SLC38A2: variants seen among roughly 807,000 people sequenced by gnomAD.
SLC38A2 encodes sodium-coupled neutral amino acid symporter 2.
A neutral mutation model predicts 61.5 loss-of-function variants in SLC38A2; 11 were observed. The observed-to-expected ratio is 0.18, with a 90% confidence interval of 0.11 to 0.30. The LOEUF is 0.30. Ranked by LOEUF, SLC38A2 falls within the 10% of genes least tolerant of loss-of-function variation. The probability of loss-of-function intolerance (pLI) is 1.00; values close to 1 mark genes in which losing one functional copy is unlikely to be tolerated. For synonymous variants in SLC38A2, 217 were observed against 212.5 expected (o/e 1.02, Z -0.18); for missense variants, 522 against 600.4 (o/e 0.87, Z 1.36).
Position 46,371,372 on chromosome 12 carries a change from G to A in SLC38A2, c.-79C>T, listed in dbSNP as rs972695262. 10 of 1,166,556 alleles carry A rather than the reference G, an allele frequency of 8.6e-6. No homozygotes were observed. The highest frequency in any genetic ancestry group is 1.3e-5 in the Non-Finnish European group (10 of 790,704). 72.3% of individuals were successfully genotyped at this position (1,166,556 alleles called of 1,614,324 possible). A position where few individuals can be genotyped will look rare whatever the true frequency, so the allele number is the denominator to read the frequency against. On this transcript the variant is annotated 5_prime_UTR_variant, in exon 2 of 16. Coordinates refer to ENST00000256689, the MANE Select transcript of SLC38A2 (RefSeq NM_018976.5). ...CTTGGCGGTGGGTGCAGCGGCCCGC[G>A]AGTCGGCCTGCGAAAGTAGAGGCGG...
chr12:46,370,023 A>G (rs577407900), intron 4 of SLC38A2, among the ~76,000 whole-genome samples: 157 of 152,322 alleles, frequency 1.0e-3, no homozygotes, highest in African/African-American at 3.7e-3. Context: ...GTCTTAAAAC[A>G]AACATGTTCC....
In SLC38A2 at chr12:46,363,910, A is replaced by C. The variant is rs371273578; in HGVS notation, c.953+14T>G. On this transcript the variant is annotated intron_variant, in intron 11 of 15. Coordinates refer to ENST00000256689, the MANE Select transcript of SLC38A2 (RefSeq NM_018976.5). Reference sequence around the variant, plus strand: ...TAATATTTTCTCAAATTTATGTAAAAATGAAATACTCACTCTTTCAGTTCT... The same window carrying C: ...TAATATTTTCTCAAATTTATGTAAACATGAAATACTCACTCTTTCAGTTCT... 773 of 1,599,558 alleles carry C rather than the reference A, an allele frequency of 4.8e-4. 13 individuals carry two copies. In the South Asian group the frequency reaches 8.0e-3, roughly 17 times the overall value.
rs757744114 is a variant in SLC38A2, at chr12:46,366,893, C to A, written c.534G>T (p.Gln178His). 9 of 1,613,816 alleles carry A rather than the reference C, an allele frequency of 5.6e-6. No individual in the cohort carries two copies. Among genetic ancestry groups the A allele is most frequent in the East Asian group, 4.5e-5 (2 of 44,880 alleles). Residue 178 changes from glutamine to histidine, a missense_variant, in exon 7 of 16, where the codon CAG becomes CAT. By Grantham distance (24) the Gln-to-His change is conservative. Coordinates refer to ENST00000256689, the MANE Select transcript of SLC38A2 (RefSeq NM_018976.5). The part of the protein sequence containing the change: ...IVKYELPLVI[Q>H]ALTNIEDKTG... Reference sequence around the variant, plus strand: ...TTTTATCTTCAATGTTCGTTAATGCCTGGATCACCAAAGGCAACTCATATT... The same window carrying A: ...TTTTATCTTCAATGTTCGTTAATGCATGGATCACCAAAGGCAACTCATATT...
Position 46,363,942 on chromosome 12 carries a change from A to G in SLC38A2, c.935T>C (p.Ile312Thr). 1 of 1,612,028 alleles carries G rather than the reference A, an allele frequency of 6.2e-7. No individual in the cohort carries two copies. Among genetic ancestry groups the G allele is most frequent in the African/African-American group, 1.3e-5 (1 of 74,974 alleles). The change falls in exon 11 of 16, where the codon ATC becomes ACC. Residue 312 changes from isoleucine to threonine, a missense_variant. By Grantham distance (89) the Ile-to-Thr change is moderately conservative. Around this residue, in one of 3 missense-constraint regions of SLC38A2, gnomAD observed 309 missense variants for 343.9 expected, o/e 0.90. Transcript: ENST00000256689. ...TACTCACTCTTTCAGTTCTTCATAGATGGGAAGAACAGCAGGATGACAGAC... is the reference window on the plus strand; with the variant it reads ...TACTCACTCTTTCAGTTCTTCATAGGTGGGAAGAACAGCAGGATGACAGAC... Reference protein sequence around the residue: ...SFVCHPAVLPIYEELKDRSRR... With the variant: ...SFVCHPAVLPTYEELKDRSRR...
At chr12:46,371,470 C>G (rs962084433) in intron 1 of SLC38A2, 91 bp from the exon 2 acceptor site, 125 of 587,530 alleles carry the variant, frequency 2.1e-4, no homozygotes, top group Admixed American at 2.9e-4. Flanking sequence ...GCTGATTCAT[C>G]CCAGGCCAGG....
Position 46,367,149 on chromosome 12 carries a change from T to C in SLC38A2, c.408A>G (p.Gln136=), listed in dbSNP as rs1476475578. ...CTAATCCAAATGCCTTATATCCCAA[T>C]TGTTCATATAATAAAGACCCTACAA... ...ANEGGSLLYE[Q]LGYKAFGLVG... The change falls in exon 6 of 16, where the codon CAA becomes CAG. Residue 136 remains glutamine (Q), a synonymous_variant. Coordinates refer to ENST00000256689, the MANE Select transcript of SLC38A2 (RefSeq NM_018976.5). 6.8e-6 allele frequency: 11 copies of C among 1,613,780 alleles called. No homozygotes were observed. The South Asian group carries it at 1.1e-4, about 16-fold the overall frequency.
At position 46,358,968 on chromosome 12, in the gene SLC38A2, G is replaced by A. The variant is rs141963885; in HGVS notation, c.*2143C>T. 1 of 152,344 alleles carries A rather than the reference G, an allele frequency of 6.6e-6. No individual in the cohort carries two copies. 9.4% of individuals were successfully genotyped at this position (152,344 alleles called of 1,614,324 possible). A position where few individuals can be genotyped will look rare whatever the true frequency, so the allele number is the denominator to read the frequency against. On this transcript the variant is annotated 3_prime_UTR_variant, in exon 16 of 16. Coordinates refer to ENST00000256689, the MANE Select transcript of SLC38A2 (RefSeq NM_018976.5). ...AAATCATCCATTGGAATTTTCCCTAGGCACTTGATTTTGAACCTTAAATAG... is the reference window on the plus strand; with the variant it reads ...AAATCATCCATTGGAATTTTCCCTAAGCACTTGATTTTGAACCTTAAATAG...
chr12:46,371,404 A>AGGACCGCAGCGCC (rs1943197739), intron 1 of SLC38A2, 25 bp from the exon 2 acceptor site: 1 of 824,086 alleles, frequency 1.2e-6, no homozygotes, highest in African/African-American at 1.7e-5. Flanking sequence ...GCGGCGCGTC[A>AGGACCGCAGCGCC]GGACCGCAGC....
intron 1 of SLC38A2, among the ~76,000 whole-genome samples, chr12:46,371,811 C>T (rs1018152944): frequency 6.6e-6 from 1 of 152,194 alleles, no homozygotes; most frequent in Non-Finnish European, 1.5e-5. Context: ...AGCAATGCTG[C>T]GTAATCTGTC....
In SLC38A2 at chr12:46,367,294, G is replaced by C. The variant is rs747486310; in HGVS notation, c.361C>G (p.Leu121Val). 1.9e-6 allele frequency: 3 copies of C among 1,603,134 alleles called. No homozygotes were observed. The highest frequency in any genetic ancestry group is 2.2e-5 in the South Asian group (2 of 90,806). The change falls in exon 5 of 16, where the codon CTC becomes GTC. Residue 121 changes from leucine (L) to valine (V), a missense_variant. Leu to Val is a conservative substitution (Grantham distance 32). Transcript: ENST00000256689. Reference sequence around the variant, plus strand: ...CCTTCATTGGCAGTCTTCAAAAGGAGATGAACAGAATACAGGGAAAATATT... The same window carrying C: ...CCTTCATTGGCAGTCTTCAAAAGGACATGAACAGAATACAGGGAAAATATT... ...VSIFSLYSVH[L>V]LLKTANEGGS...
intron 4 of SLC38A2, among the ~76,000 whole-genome samples, chr12:46,367,756 ACCCAG>A (rs1943153981): frequency 6.6e-6 from 1 of 152,162 alleles, no homozygotes; most frequent in African/African-American, 2.4e-5. Context: ...CCGCCACTAA[ACCCAG>A]CCCACAAGGT....
In SLC38A2 at chr12:46,361,170, C is replaced by T. The variant is rs764183704; in HGVS notation, c.1462G>A (p.Gly488Arg). The T allele has an allele frequency of 4.3e-6, 7 of 1,613,594 alleles. No individual in the cohort carries two copies. The highest frequency in any genetic ancestry group is 5.9e-6 in the Non-Finnish European group (7 of 1,179,690). The change falls in exon 16 of 16, where the codon GGA (glycine) becomes AGA (arginine). Residue 488 changes from glycine to arginine, a missense_variant. Gly to Arg is a moderately radical substitution (Grantham distance 125, BLOSUM62 -2). Transcript: ENST00000256689. Reference protein sequence around the residue: ...FLLSGVLVMTGSMALIVLDWV... With the variant: ...FLLSGVLVMTRSMALIVLDWV... ...TCCAAAACAATCAAGGCCATGCTTC[C>T]GGTCATCACCAGTACACCACTTAAC...
At chr12:46,367,440 T>C in intron 4 of SLC38A2, 100 bp from the exon 5 acceptor site, 1 of 730,988 alleles carries the variant, frequency 1.4e-6, no homozygotes, top group South Asian at 1.7e-5. Context: ...GTGCAACTTG[T>C]CCTATTTGTG....
intron 7 of SLC38A2, among the ~76,000 whole-genome samples, chr12:46,365,666 G>A (rs1211756984): frequency 1.3e-5 from 2 of 151,860 alleles, no homozygotes; most frequent in Non-Finnish European, 2.9e-5. Context: ...TTTCAATGAG[G>A]AAACGTTTTC....
At position 46,370,817 on chromosome 12, in the gene SLC38A2, G is replaced by C. The variant is rs762855743; in HGVS notation, c.157C>G (p.Leu53Val). ...TTCTTCTTCCCCAAATTCGATTCAAGTAAAAAGTTCTGGTTTTCAGGATCT... is the reference window on the plus strand; with the variant it reads ...TTCTTCTTCCCCAAATTCGATTCAACTAAAAAGTTCTGGTTTTCAGGATCT... ...DVDPENQNFL[L>V]ESNLGKKKYE... is the part of the protein sequence containing the mutation. Residue 53 changes from leucine to valine, a missense_variant, in exon 3 of 16, where the codon CTT (leucine) becomes GTT (valine). By Grantham distance (32) the Leu-to-Val change is conservative. Around this residue, in one of 3 missense-constraint regions of SLC38A2, gnomAD observed 102 missense variants for 83.1 expected, o/e 1.23. Coordinates refer to ENST00000256689, the MANE Select transcript of SLC38A2 (RefSeq NM_018976.5). 1.9e-6 allele frequency: 3 copies of C among 1,612,718 alleles called. No homozygotes were observed. The highest frequency in any genetic ancestry group is 1.3e-5 in the African/African-American group (1 of 74,972).
At position 46,364,008 on chromosome 12, in the gene SLC38A2, A is replaced by G. The variant is rs1322047366; in HGVS notation, c.874-5T>C. On this transcript the variant is annotated splice_polypyrimidine_tract_variant and splice_region_variant and intron_variant, in intron 10 of 15. Coordinates refer to ENST00000256689, the MANE Select transcript of SLC38A2 (RefSeq NM_018976.5). ...AATTGGCACAGCATAGACAGTCTGA[A>G]AGAAAACGTAAAAATCTACTTAATC... 3 of 1,600,086 alleles carry G rather than the reference A, an allele frequency of 1.9e-6. No individual in the cohort carries two copies. Among genetic ancestry groups the G allele is most frequent in the Non-Finnish European group, 2.6e-6 (3 of 1,174,934 alleles).
chr12:46,363,641 C>T (rs1943107086), intron 12 of SLC38A2, 85 bp downstream of exon 12: 1 of 774,646 alleles, frequency 1.3e-6, no homozygotes, highest in East Asian at 2.6e-5. Flanking sequence ...AGTGATGGAA[C>T]TACACATAGA....
In SLC38A2 at chr12:46,364,713, G is replaced by A. The variant is rs1037738943; in HGVS notation, c.647-11C>T. The A allele has an allele frequency of 5.6e-6, 9 of 1,598,762 alleles. No individual in the cohort carries two copies. The African/African-American group carries it at 1.1e-4, about 19-fold the overall frequency. Reference sequence around the variant, plus strand: ...TATATCCCAAATATCCTATAAGGAGGGGTGGCAGGAATCAGTATTAGTTTA... The same window carrying A: ...TATATCCCAAATATCCTATAAGGAGAGGTGGCAGGAATCAGTATTAGTTTA... On this transcript the variant is annotated splice_polypyrimidine_tract_variant and intron_variant, in intron 8 of 15. Transcript: ENST00000256689.
At chr12:46,366,304 T>C (rs765563031) in intron 7 of SLC38A2, among the ~76,000 whole-genome samples, 2 of 152,192 alleles carry the variant, frequency 1.3e-5, no homozygotes, top group African/African-American at 4.8e-5. Flanking sequence ...AATTCACTTA[T>C]GTTTCCTATA....
Sources: allele counts gnomAD v4.1 joint callset (sites outside exome capture counted in the v4.1 genomes callset), GRCh38; gene constraint gnomAD v4.1.1; regional missense constraint gnomAD v4.1.1; transcripts MANE v1.5; gene names NCBI Gene and HGNC (gene_info 2026-07-23, HGNC 2026-07-21).